TOMM34: variants seen among roughly 807,000 people sequenced by gnomAD.
TOMM34 encodes the protein translocase of outer mitochondrial membrane 34, also known as mitochondrial import receptor subunit TOM34.
Under a neutral mutation model 37.4 loss-of-function variants are expected in TOMM34, and 24 were observed. That is an observed-to-expected ratio of 0.64 (90% CI 0.46 to 0.90). The LOEUF (loss-of-function observed/expected upper bound fraction) is 0.90, where lower values mean the gene tolerates loss of function less well. Ranked by LOEUF, TOMM34 falls within the 40% of genes least tolerant of loss-of-function variation. TOMM34 has a pLI of 0.00. For missense variants in TOMM34, 304 were observed against 375.6 expected (o/e 0.81, Z 1.58); for synonymous variants, 154 against 148.9 (o/e 1.03, Z -0.25).
intron 5 of TOMM34, 22 bp from the exon 6 acceptor site, chr20:44,943,601 G>C: frequency 6.2e-7 from 1 of 1,613,778 alleles, no homozygotes; most frequent in Non-Finnish European, 8.5e-7. Flanking sequence ...GACCATTTCA[G>C]AGGTTTCAGT....
intron 5 of TOMM34, among the ~76,000 whole-genome samples, chr20:44,945,113 C>T (rs2066969178): frequency 1.3e-5 from 2 of 152,216 alleles, no homozygotes; most frequent in Non-Finnish European, 2.9e-5. Context: ...TTAACTCTAA[C>T]CTGGCCAACC....
Position 44,942,424 on chromosome 20 carries a change from A to ACAAT in TOMM34, c.*681_*684dup, listed in dbSNP as rs1286160698. 4 of 152,636 alleles carry ACAAT rather than the reference A, an allele frequency of 2.6e-5. No individual in the cohort carries two copies. The highest frequency in any genetic ancestry group is 5.9e-5 in the Non-Finnish European group (4 of 68,128). 9.5% of individuals were successfully genotyped at this position (152,636 alleles called of 1,614,324 possible). On this transcript the variant is annotated 3_prime_UTR_variant, in exon 7 of 7. Coordinates refer to ENST00000372813, the MANE Select transcript of TOMM34 (RefSeq NM_006809.5). ...CCTCCCACCTCTAGGAGGAGCAGCC[A>ACAAT]CAATCACTGGGCTCTTTAAACAGCT...
intron 1 of TOMM34, 83 bp downstream of exon 1, chr20:44,960,124 G>T: frequency 1.4e-6 from 2 of 1,479,008 alleles, no homozygotes; most frequent in Non-Finnish European, 1.8e-6. Context: ...GGGCAGGACT[G>T]CTGGCCGCCG....
At chr20:44,955,410 GA>G in intron 2 of TOMM34, 190 bp from the exon 3 acceptor site, 1 of 701,608 alleles carries the variant, frequency 1.4e-6, no homozygotes, top group Non-Finnish European at 2.5e-6. Flanking sequence ...GGAGGAGAAA[GA>G]AGGCAGAGAA....
At chr20:44,953,899 A>G (rs190162759) in intron 3 of TOMM34, among the ~76,000 whole-genome samples, 2 of 152,288 alleles carry the variant, frequency 1.3e-5, no homozygotes, top group Non-Finnish European at 2.9e-5. Flanking sequence ...CTCCACTGCT[A>G]AAGACCTTTT....
In TOMM34 at chr20:44,942,913, A is replaced by G; in HGVS notation, c.*196T>C. ...TGGGGACCTTTCTGGTGCAACAACC[A>G]TGTCTGTGTTTGACTACACTGAGTT... is the stretch of plus-strand genomic sequence containing the variant. On this transcript the variant is annotated 3_prime_UTR_variant, in exon 7 of 7. Coordinates refer to ENST00000372813, the MANE Select transcript of TOMM34 (RefSeq NM_006809.5). The G allele has an allele frequency of 1.6e-6, 1 of 610,416 alleles. No homozygotes were observed. Among genetic ancestry groups the G allele is most frequent in the Non-Finnish European group, 2.9e-6 (1 of 340,998 alleles). The allele number at this position is 610,416 out of a possible 1,614,324, so 37.8% of individuals were successfully genotyped here.
chr20:44,955,532 G>A (rs763187051), intron 2 of TOMM34: 1 of 495,046 alleles, frequency 2.0e-6, no homozygotes, highest in Non-Finnish European at 4.0e-6. Flanking sequence ...TTTTTTTACA[G>A]TTGTGGTCTA....
chr20:44,943,945 CAG>C (rs1234206478), intron 5 of TOMM34, among the ~76,000 whole-genome samples: 2 of 151,820 alleles, frequency 1.3e-5, no homozygotes, highest in South Asian at 4.2e-4. Context: ...TTTCCCTTGA[CAG>C]ATTAAAAAAT....
At chr20:44,954,747 G>C (rs2067055799) in intron 3 of TOMM34, among the ~76,000 whole-genome samples, 1 of 152,144 alleles carries the variant, frequency 6.6e-6, no homozygotes, top group South Asian at 2.1e-4. Flanking sequence ...AGTGGGGTCT[G>C]TATCTCTTTC....
At chr20:44,946,023 A>C (rs2066978203) in intron 5 of TOMM34, among the ~76,000 whole-genome samples, 1 of 152,024 alleles carries the variant, frequency 6.6e-6, no homozygotes, top group South Asian at 2.1e-4. Flanking sequence ...ATGCCCAGCT[A>C]ACTTTTGTAT....
chr20:44,957,651 T>G (rs1727940233), intron 1 of TOMM34, among the ~76,000 whole-genome samples: 2 of 152,096 alleles, frequency 1.3e-5, no homozygotes, highest in South Asian at 4.1e-4. Context: ...CCCAACTTTT[T>G]TAATTTTTAG....
intron 2 of TOMM34, among the ~76,000 whole-genome samples, chr20:44,955,779 C>T (rs893283285): frequency 2.6e-5 from 4 of 152,328 alleles, no homozygotes; most frequent in Admixed American, 6.5e-5. Context: ...TATGCTCACA[C>T]CCCTCCTGCT....
intron 5 of TOMM34, among the ~76,000 whole-genome samples, chr20:44,948,408 G>A (rs574464751): frequency 3.9e-5 from 6 of 152,354 alleles, no homozygotes; most frequent in East Asian, 3.9e-4. Context: ...GCAGCGTAGC[G>A]TGGTGGGGTG....
At chr20:44,946,481 T>G (rs888757193) in intron 5 of TOMM34, among the ~76,000 whole-genome samples, 1 of 152,222 alleles carries the variant, frequency 6.6e-6, no homozygotes, top group African/African-American at 2.4e-5. Context: ...CTGGCTTAAA[T>G]CTCAGCCACC....
intron 3 of TOMM34, among the ~76,000 whole-genome samples, chr20:44,954,456 T>C (rs2067052870): frequency 6.6e-6 from 1 of 152,192 alleles, no homozygotes; most frequent in African/African-American, 2.4e-5. Context: ...ACTAAATACA[T>C]ACCATGAAGT....
rs998488588 is a variant in TOMM34 at position 44,943,121 on chromosome 20, C to G, written c.918G>C (p.Gln306His). ...CCCTGTTGGGTTTTTAGTGTAGGTT[C>G]TGCTTCACTTCCTGCCGCAACTTCT... The part of the protein sequence containing the change: ...PAQKLRQEVK[Q>H]NLH Residue 306 changes from glutamine to histidine, a missense_variant, in exon 7 of 7, where the codon CAG becomes CAC. Transcript: ENST00000372813. The G allele has an allele frequency of 5.6e-6, 9 of 1,614,030 alleles. No individual in the cohort carries two copies. Among genetic ancestry groups the G allele is most frequent in the Non-Finnish European group, 7.6e-6 (9 of 1,180,034 alleles).
intron 4 of TOMM34, among the ~76,000 whole-genome samples, chr20:44,949,513 G>C (rs2067008859): frequency 1.3e-5 from 2 of 152,164 alleles, no homozygotes; most frequent in African/African-American, 4.8e-5. Context: ...GAAGCAGAGG[G>C]AACATGGTGA....
At chr20:44,945,629 C>T (rs2066974165) in intron 5 of TOMM34, among the ~76,000 whole-genome samples, 1 of 152,174 alleles carries the variant, frequency 6.6e-6, no homozygotes, top group Non-Finnish European at 1.5e-5. Flanking sequence ...TCTAGCAGTT[C>T]CATCACCCAG....
Position 44,955,180 on chromosome 20 carries a change from G to A in TOMM34, c.268C>T (p.Arg90Trp), listed in dbSNP as rs1369755842. The A allele has an allele frequency of 3.1e-6, 5 of 1,614,082 alleles. No homozygotes were observed. The African/African-American group carries it at 4.0e-5, about 13-fold the overall frequency. Residue 90 changes from arginine (R) to tryptophan (W), a missense_variant, in exon 3 of 7, where the codon CGG becomes TGG. By Grantham distance (101) the Arg-to-Trp change is moderately radical. Coordinates refer to ENST00000372813, the MANE Select transcript of TOMM34 (RefSeq NM_006809.5). ...LVPFSIKPLL[R>W]RASAYEALEK... Reference sequence around the variant, plus strand: ...AGAGCCTCATAAGCAGATGCTCGCCGCAGCAGGGGCTTAATGCTGAAGGGA... The same window carrying A: ...AGAGCCTCATAAGCAGATGCTCGCCACAGCAGGGGCTTAATGCTGAAGGGA...
Sources: gnomAD v4.1 joint callset for allele counts (sites outside exome capture counted in the v4.1 genomes callset) on GRCh38, gnomAD v4.1.1 for gene constraint, MANE v1.5 for transcripts, NCBI Gene and HGNC (gene_info 2026-07-23, HGNC 2026-07-21) for gene names.